Variants in DHRS7B observed in about 807,000 individuals in gnomAD.
DHRS7B encodes peroxisomal reductase activating PPAR-gamma.
Under a neutral mutation model 26.4 loss-of-function variants are expected in DHRS7B, and 24 were observed. That is an observed-to-expected ratio of 0.91 (90% CI 0.66 to 1.28). The LOEUF is 1.28. Among genes scored for constraint, DHRS7B ranks in the 50% most tolerant of loss-of-function variants. The pLI is 0.00. For synonymous variants in DHRS7B, 142 were observed against 166.4 expected (o/e 0.85, Z 1.13); for missense variants, 368 against 419.4 (o/e 0.88, Z 1.07).
At chr17:21,136,527 A>C (rs1040931602) in intron 1 of DHRS7B, among the ~76,000 whole-genome samples, 1 of 144,918 alleles carries the variant, frequency 6.9e-6, no homozygotes, top group Non-Finnish European at 1.5e-5. Context: ...AAAAAAAAAG[A>C]AAAGGTTTTG....
chr17:21,149,740 G>A (rs11867809), intron 1 of DHRS7B, among the ~76,000 whole-genome samples: 79 of 152,066 alleles, frequency 5.2e-4, no homozygotes, highest in African/African-American at 1.9e-3. Context: ...TTTTTTGTAA[G>A]CCTCATGGGA....
chr17:21,188,160 C>T (rs1974692114), intron 5 of DHRS7B, among the ~76,000 whole-genome samples: 1 of 152,098 alleles, frequency 6.6e-6, no homozygotes, highest in African/African-American at 2.4e-5. Flanking sequence ...TAACTTTTAA[C>T]TTGGAATAAC....
chr17:21,180,073 CTTTTTTT>C (rs59348588), intron 3 of DHRS7B, among the ~76,000 whole-genome samples: 3 of 121,922 alleles, frequency 2.5e-5, no homozygotes, highest in Non-Finnish European at 3.4e-5. Context: ...AGCCCACTTT[CTTTTTTT>C]TTTTTTTTTT....
rs1974777127 is a variant in DHRS7B at position 21,191,349 on chromosome 17, G to A, written c.*196G>A. On this transcript the variant is annotated 3_prime_UTR_variant, in exon 7 of 7. Transcript: ENST00000395511. ...AACAAGCTTCTTCCCAGGGTGAGGG[G>A]AAACACTTAAGGAATAAATATGGAG... 3.3e-6 allele frequency: 2 copies of A among 606,190 alleles called. No homozygotes were observed. Among genetic ancestry groups the A allele is most frequent in the East Asian group, 2.8e-5 (1 of 35,630 alleles). 37.6% of individuals were successfully genotyped at this position (606,190 alleles called of 1,614,324 possible).
Position 21,141,640 on chromosome 17 carries a change from A to AAAAAAG in DHRS7B, c.20+14649_20+14650insAAAAAG. Among the ~76,000 whole-genome samples the AAAAAAG allele has an allele frequency of 8.8e-3, 788 of 90,044 alleles. 165 individuals carry two copies. The highest frequency in any genetic ancestry group is 0.016 in the Admixed American group (114 of 6,958). 59.1% of individuals were successfully genotyped at this position (90,044 alleles called of 152,430 possible). ...AAAGCAAAAAAAAAAAAAAAAAAAAACAACCTCATCTCAAACTCCACAAAG... is the reference window on the plus strand; with the variant it reads ...AAAGCAAAAAAAAAAAAAAAAAAAAAAAAAAGCAACCTCATCTCAAACTCCACAAAG... On this transcript the variant is annotated intron_variant, in intron 1 of 6. Coordinates refer to ENST00000395511, the MANE Select transcript of DHRS7B (RefSeq NM_015510.5).
chr17:21,156,591 T>A (rs1973885725), intron 1 of DHRS7B, among the ~76,000 whole-genome samples: 1 of 141,808 alleles, frequency 7.1e-6, no homozygotes, highest in African/African-American at 2.6e-5. Context: ...GGTAACAGAG[T>A]GAGACTCCAT....
At chr17:21,141,749 A>AGAG (rs1973520206) in intron 1 of DHRS7B, among the ~76,000 whole-genome samples, 1 of 151,892 alleles carries the variant, frequency 6.6e-6, no homozygotes, top group South Asian at 2.1e-4. Context: ...AAAAAAAAAA[A>AGAG]GAGGAGTTAT....
At chr17:21,150,304 A>C (rs1324084580) in intron 1 of DHRS7B, among the ~76,000 whole-genome samples, 1 of 151,124 alleles carries the variant, frequency 6.6e-6, no homozygotes, top group Non-Finnish European at 1.5e-5. Context: ...AATTGACCAA[A>C]GACATGCAAC....
At position 21,191,202 on chromosome 17, in the gene DHRS7B, G is replaced by A; in HGVS notation, c.*49G>A. The A allele has an allele frequency of 1.9e-6, 3 of 1,581,992 alleles. No homozygotes were observed. The highest frequency in any genetic ancestry group is 2.6e-6 in the Non-Finnish European group (3 of 1,153,648). On this transcript the variant is annotated 3_prime_UTR_variant, in exon 7 of 7. Coordinates refer to ENST00000395511, the MANE Select transcript of DHRS7B (RefSeq NM_015510.5). ...GCAGAGAAGCAGCACTCTTAGGCTT[G>A]CTTACTCTACAAGGGACAGTTGCAT...
intron 2 of DHRS7B, among the ~76,000 whole-genome samples, chr17:21,175,147 G>A (rs987808662): frequency 6.6e-6 from 1 of 152,198 alleles, no homozygotes; most frequent in Admixed American, 6.5e-5. Flanking sequence ...GCTGTGTGGG[G>A]AGCTGAACAA....
chr17:21,166,565 C>A, intron 1 of DHRS7B: 4 of 683,630 alleles, frequency 5.9e-6, no homozygotes, highest in Non-Finnish European at 5.4e-6. Context: ...GCAGTTTGAC[C>A]CTGCCTTTAC....
chr17:21,159,571 A>G (rs1973955993), intron 1 of DHRS7B, among the ~76,000 whole-genome samples: 1 of 152,004 alleles, frequency 6.6e-6, no homozygotes, highest in Non-Finnish European at 1.5e-5. Context: ...TTCGAAAGAC[A>G]CATTTTAAAG....
chr17:21,142,695 G>A (rs1017027525), intron 1 of DHRS7B, among the ~76,000 whole-genome samples: 63 of 101,546 alleles, frequency 6.2e-4, no homozygotes, highest in African/African-American at 2.1e-3. Flanking sequence ...CCCCTCCCCC[G>A]CCCCGCCGTT....
chr17:21,181,121 C>T (rs534006352), intron 3 of DHRS7B, among the ~76,000 whole-genome samples: 5 of 152,266 alleles, frequency 3.3e-5, no homozygotes, highest in South Asian at 2.1e-4. Flanking sequence ...TAGTCTTGCT[C>T]GGTCATCTAG....
At chr17:21,190,919 A>G (rs112951635) in intron 6 of DHRS7B, 29 bp from the exon 7 acceptor site, 1 of 1,610,916 alleles carries the variant, frequency 6.2e-7, no homozygotes, top group South Asian at 1.1e-5. Flanking sequence ...TTCCAAGTTC[A>G]TGTGTTTCTT....
chr17:21,147,594 A>G (rs1178177609), intron 1 of DHRS7B, among the ~76,000 whole-genome samples: 1 of 152,182 alleles, frequency 6.6e-6, no homozygotes, highest in African/African-American at 2.4e-5. Context: ...CCTGGCACCA[A>G]GTGTGAGGAA....
chr17:21,157,579 A>G (rs773913569), intron 1 of DHRS7B, among the ~76,000 whole-genome samples: 1 of 152,196 alleles, frequency 6.6e-6, no homozygotes, highest in Non-Finnish European at 1.5e-5. Flanking sequence ...CTGTGGTCTC[A>G]GCTACTTAGG....
At chr17:21,143,083 C>T (rs1973560353) in intron 1 of DHRS7B, among the ~76,000 whole-genome samples, 1 of 152,208 alleles carries the variant, frequency 6.6e-6, no homozygotes, top group Non-Finnish European at 1.5e-5. Flanking sequence ...CACCTGCCAC[C>T]ACGCCCAGCT....
chr17:21,184,321 G>A, intron 4 of DHRS7B, 50 bp from the exon 5 acceptor site: 1 of 1,516,328 alleles, frequency 6.6e-7, no homozygotes, highest in Non-Finnish European at 9.0e-7. Flanking sequence ...AGCATCGGGT[G>A]CAATGACTGG....
Sources: allele counts gnomAD v4.1 joint callset (sites outside exome capture counted in the v4.1 genomes callset), GRCh38; gene constraint gnomAD v4.1.1; transcripts MANE v1.5; gene names NCBI Gene and HGNC (gene_info 2026-07-23, HGNC 2026-07-21).